Variants in RBFOX1 observed in about 807,000 individuals in gnomAD.
The protein encoded by RBFOX1 is RNA binding protein fox-1 homolog 1.
In RBFOX1, 8 loss-of-function variants were observed where a neutral mutation model predicts 57.7. That is an observed-to-expected ratio of 0.14 (90% CI 0.08 to 0.25). The LOEUF is 0.25. Among genes scored for constraint, RBFOX1 ranks in the 10% least tolerant of loss-of-function variants. RBFOX1 has a pLI of 1.00. For missense variants in RBFOX1, 611 were observed against 548.5 expected (o/e 1.11, Z -1.14); for synonymous variants, 326 against 222.4 (o/e 1.47, Z -4.15).
intron 4 of RBFOX1, among the ~76,000 whole-genome samples, chr16:7,393,274 T>G (rs559669349): frequency 6.6e-6 from 1 of 152,178 alleles, no homozygotes; most frequent in Non-Finnish European, 1.5e-5. Flanking sequence ...GGATCTCACT[T>G]CAGACCTTAA....
chr16:6,847,998 T>A (rs1036848067), intron 3 of RBFOX1, among the ~76,000 whole-genome samples: 1 of 151,940 alleles, frequency 6.6e-6, no homozygotes, highest in African/African-American at 2.4e-5. Flanking sequence ...CCCGGCTAAT[T>A]TTTTTATTTT....
chr16:7,190,397 C>A (rs934837524), intron 4 of RBFOX1, among the ~76,000 whole-genome samples: 1 of 152,132 alleles, frequency 6.6e-6, no homozygotes, highest in Admixed American at 6.5e-5. Flanking sequence ...AAAAATAAAA[C>A]TTCCCTCATT....
chr16:5,812,728 C>T (rs1361447648), intron 3 of RBFOX1, among the ~76,000 whole-genome samples: 1 of 152,138 alleles, frequency 6.6e-6, no homozygotes, highest in Non-Finnish European at 1.5e-5. Context: ...TTCCAAAGTG[C>T]TGGAATTACA....
chr16:7,328,230 C>G (rs961448635), intron 4 of RBFOX1, among the ~76,000 whole-genome samples: 4 of 151,920 alleles, frequency 2.6e-5, no homozygotes, highest in African/African-American at 9.7e-5. Context: ...GCCTGTAATC[C>G]CAGCACTTTG....
intron 1 of RBFOX1, among the ~76,000 whole-genome samples, chr16:6,256,219 ATG>A (rs2097663968): frequency 1.2e-5 from 1 of 81,724 alleles, no homozygotes; most frequent in African/African-American, 4.7e-5. Context: ...GTGTATATAT[ATG>A]TATATATATA....
chr16:6,936,643 A>G (rs1302082179), intron 3 of RBFOX1, among the ~76,000 whole-genome samples: 1 of 152,100 alleles, frequency 6.6e-6, no homozygotes, highest in Non-Finnish European at 1.5e-5. Flanking sequence ...TAAGGTAATT[A>G]TGACTATGAC....
chr16:6,487,233 C>A (rs191774801), intron 2 of RBFOX1, among the ~76,000 whole-genome samples: 19 of 151,330 alleles, frequency 1.3e-4, no homozygotes, highest in Admixed American at 2.6e-4. Flanking sequence ...GTTTTTGATT[C>A]AGCAAAACTA....
At position 7,278,564 on chromosome 16, in the gene RBFOX1, T is replaced by C. The variant is rs2095484513; in HGVS notation, c.27+226466T>C. On this transcript the variant is annotated intron_variant, in intron 4 of 15. Transcript: ENST00000550418. ...TTCATTAAAATTTATCATGACTGTCTGTGGGATGCATTTATTTCATATTGA... is the reference window on the plus strand; with the variant it reads ...TTCATTAAAATTTATCATGACTGTCCGTGGGATGCATTTATTTCATATTGA... Among the ~76,000 whole-genome samples, 3 of 152,330 alleles carry C rather than the reference T, an allele frequency of 2.0e-5. No homozygotes were observed. In the South Asian group the frequency reaches 6.2e-4, roughly 32 times the overall value.
intron 3 of RBFOX1, among the ~76,000 whole-genome samples, chr16:6,713,671 C>G (rs887782300): frequency 1.3e-5 from 2 of 152,210 alleles, no homozygotes; most frequent in Non-Finnish European, 2.9e-5. Context: ...GTTGCCCAAA[C>G]ATCCCCTGTC....
At chr16:6,745,682 T>C (rs907499308) in intron 3 of RBFOX1, among the ~76,000 whole-genome samples, 2 of 152,238 alleles carry the variant, frequency 1.3e-5, no homozygotes, top group Admixed American at 6.5e-5. Flanking sequence ...AATGTATAGC[T>C]AATATCATGC....
chr16:6,844,595 A>G (rs1386787328), intron 3 of RBFOX1, among the ~76,000 whole-genome samples: 1 of 151,616 alleles, frequency 6.6e-6, no homozygotes, highest in Non-Finnish European at 1.5e-5. Flanking sequence ...ATTGATGGGC[A>G]TTTAGGTTGA....
At chr16:7,694,421 G>A (rs1209512531) in intron 14 of RBFOX1, among the ~76,000 whole-genome samples, 2 of 152,228 alleles carry the variant, frequency 1.3e-5, no homozygotes, top group Admixed American at 6.5e-5. Flanking sequence ...CTAGGAACAT[G>A]CACCCAACTA....
chr16:6,440,861 C>T (rs1234692541), intron 2 of RBFOX1, among the ~76,000 whole-genome samples: 1 of 150,938 alleles, frequency 6.6e-6, no homozygotes, highest in African/African-American at 2.4e-5. Flanking sequence ...CGAATGAGTC[C>T]AGTCAAGTGC....
At chr16:7,132,013 T>C (rs79647615) in intron 4 of RBFOX1, among the ~76,000 whole-genome samples, 2 of 151,010 alleles carry the variant, frequency 1.3e-5, no homozygotes, top group Admixed American at 1.3e-4. Flanking sequence ...TTTTTTTTTT[T>C]TTGAGTGTCA....
rs542962529 is a variant in RBFOX1 at position 6,210,843 on chromosome 16, C to A, written c.-126-106152C>A. On this transcript the variant is annotated intron_variant, in intron 1 of 15. Coordinates refer to ENST00000550418, the MANE Select transcript of RBFOX1 (RefSeq NM_018723.4). ...CACAGACTTGTCAGCTCCAGGCAGTCCTTAAGTGAACGGTGCAATAGCCCT... is the reference window on the plus strand; with the variant it reads ...CACAGACTTGTCAGCTCCAGGCAGTACTTAAGTGAACGGTGCAATAGCCCT... Among the ~76,000 whole-genome samples, 7 of 152,288 alleles carry A rather than the reference C, an allele frequency of 4.6e-5. 1 individual carries two copies. In the South Asian group the frequency reaches 8.3e-4, roughly 18 times the overall value.
chr16:6,990,441 C>G (rs959353981), intron 3 of RBFOX1, among the ~76,000 whole-genome samples: 1 of 152,036 alleles, frequency 6.6e-6, no homozygotes, highest in African/African-American at 2.4e-5. Context: ...AGGAGAATCG[C>G]TTGAACCTGG....
At chr16:7,026,014 AC>A (rs947074875) in intron 3 of RBFOX1, among the ~76,000 whole-genome samples, 68 of 152,190 alleles carry the variant, frequency 4.5e-4, no homozygotes, top group African/African-American at 1.5e-3. Flanking sequence ...TTGGGATCAG[AC>A]CCCAGACCAA....
At chr16:6,696,377 C>G (rs900071061) in intron 3 of RBFOX1, among the ~76,000 whole-genome samples, 1 of 152,076 alleles carries the variant, frequency 6.6e-6, no homozygotes, top group African/African-American at 2.4e-5. Flanking sequence ...TGCAGTGAGT[C>G]TTGTTTTATA....
At chr16:5,301,628 A>AAAC (rs927020161) in intron 1 of RBFOX1, among the ~76,000 whole-genome samples, 6 of 150,440 alleles carry the variant, frequency 4.0e-5, no homozygotes, top group Admixed American at 2.6e-4. Context: ...CAAAAAAAAA[A>AAAC]AAAAAAAAAA....
Sources: gnomAD v4.1 joint callset for allele counts (sites outside exome capture counted in the v4.1 genomes callset) on GRCh38, gnomAD v4.1.1 for gene constraint, MANE v1.5 for transcripts, NCBI Gene and HGNC (gene_info 2026-07-23, HGNC 2026-07-21) for gene names.